ZFYVE16: variants seen among roughly 807,000 people sequenced by gnomAD.
The protein encoded by ZFYVE16 is zinc finger FYVE-type containing 16, also known as zinc finger FYVE domain-containing protein 16.
ZFYVE16 carries 89 observed loss-of-function variants against 138.1 expected under a neutral mutation model. The ratio of observed to expected loss-of-function variants is 0.64; its 90% CI spans 0.54 to 0.77. The LOEUF is 0.77. Among genes scored for constraint, ZFYVE16 ranks in the 30% least tolerant of loss-of-function variants. The pLI, the probability that ZFYVE16 is intolerant of heterozygous loss-of-function variation, is 0.00. For synonymous variants in ZFYVE16, 596 were observed against 618.3 expected (o/e 0.96, Z 0.53); for missense variants, 1,793 against 1,786.7 (o/e 1.00, Z -0.06).
At chr5:80,433,685 C>T (rs1749451892) in intron 2 of ZFYVE16, among the ~76,000 whole-genome samples, 1 of 151,600 alleles carries the variant, frequency 6.6e-6, no homozygotes. Context: ...ATATAATTGT[C>T]TTCCACTAAA....
intron 10 of ZFYVE16, 101 bp from the exon 11 acceptor site, chr5:80,451,384 T>C: frequency 1.2e-6 from 1 of 813,124 alleles, no homozygotes; most frequent in Admixed American, 2.9e-5. Context: ...ACAGTTTATA[T>C]GTATTGGATC....
At chr5:80,407,709 A>C (rs1744808783), upstream of ZFYVE16, among the ~76,000 whole-genome samples, 1 of 152,230 alleles carries the variant, frequency 6.6e-6, no homozygotes. Context: ...AGGCTCAGCA[A>C]AGGGCTAAGG....
rs763704708 is a variant in ZFYVE16, at chr5:80,455,802, A to G, written c.3690+28A>G. 2.0e-6 allele frequency: 3 copies of G among 1,518,746 alleles called. No individual in the cohort carries two copies. In the South Asian group the frequency reaches 3.7e-5, roughly 19 times the overall value. The allele number at this position is 1,518,746 out of a possible 1,614,324, so 94.1% of individuals were successfully genotyped here. ...GAGTAATTGAACTATTTTATTAGGT[A>G]TTTTTATACTGTTACTTTAAAACTG... On this transcript the variant is annotated intron_variant, in intron 12 of 18. Transcript: ENST00000505560.
In ZFYVE16 at chr5:80,438,819, T is replaced by G. The variant is rs762090299; in HGVS notation, c.2134T>G (p.Ser712Ala). ...NSNYIDIESNSEGGSSFVTAN... is the reference protein window; with the variant it reads ...NSNYIDIESNAEGGSSFVTAN... ...TAATTACATTGATATAGAAAGTAATTCTGAAGGTGGATCTAGTTTCGTAAC... is the reference window on the plus strand; with the variant it reads ...TAATTACATTGATATAGAAAGTAATGCTGAAGGTGGATCTAGTTTCGTAAC... Residue 712 changes from serine (S) to alanine (A), a missense_variant, in exon 4 of 19, where the codon TCT becomes GCT. Ser to Ala is a moderately conservative substitution (Grantham distance 99). Around this residue, in one of 2 missense-constraint regions of ZFYVE16, gnomAD observed 1,295 missense variants for 1,204.3 expected, o/e 1.08. Transcript: ENST00000505560. 1 of 1,613,968 alleles carries G rather than the reference T, an allele frequency of 6.2e-7. No individual in the cohort carries two copies. The highest frequency in any genetic ancestry group is 1.1e-5 in the South Asian group (1 of 91,080).
At chr5:80,469,021 T>A (rs933173128) in intron 15 of ZFYVE16, among the ~76,000 whole-genome samples, 15 of 152,086 alleles carry the variant, frequency 9.9e-5, no homozygotes, top group Admixed American at 9.2e-4. Flanking sequence ...TATTTTTATG[T>A]GCCATATCTG....
At chr5:80,426,064 C>T (rs998502764) in intron 1 of ZFYVE16, among the ~76,000 whole-genome samples, 1 of 152,000 alleles carries the variant, frequency 6.6e-6, no homozygotes, top group East Asian at 1.9e-4. Flanking sequence ...AAATTTTTCT[C>T]TTTTAATGAC....
Position 80,442,991 on chromosome 5 carries a change from A to G in ZFYVE16, c.2420-132A>G, listed in dbSNP as rs1010302893. The G allele has an allele frequency of 2.5e-4, 218 of 868,688 alleles. 1 individual carries two copies. The highest frequency in any genetic ancestry group is 1.9e-5 in the Non-Finnish European group (11 of 593,786). 53.8% of individuals were successfully genotyped at this position (868,688 alleles called of 1,614,324 possible). A position where few individuals can be genotyped will look rare whatever the true frequency, so the allele number is the denominator to read the frequency against. On this transcript the variant is annotated intron_variant, in intron 5 of 18. Transcript: ENST00000505560. ...TCAGACAGTATCTTTGCCAAGTGCT[A>G]CTTCTTTTTCTTGATTAGCCATTTC... is the stretch of plus-strand genomic sequence containing the variant.
At chr5:80,466,866 A>G (rs919747452) in intron 15 of ZFYVE16, among the ~76,000 whole-genome samples, 4 of 152,206 alleles carry the variant, frequency 2.6e-5, no homozygotes, top group Non-Finnish European at 4.4e-5. Context: ...TTAAAGAAAA[A>G]TGACTGAATC....
At chr5:80,441,840 T>TAGC in intron 5 of ZFYVE16, 1 of 985,422 alleles carries the variant, frequency 1.0e-6, no homozygotes, top group Non-Finnish European at 1.2e-6. Context: ...GCAGCATTGA[T>TAGC]AGCAGATCAG....
chr5:80,421,092 T>C (rs559264969), intron 1 of ZFYVE16, among the ~76,000 whole-genome samples: 7 of 152,264 alleles, frequency 4.6e-5, no homozygotes, highest in Non-Finnish European at 8.8e-5. Context: ...CATAAATGTC[T>C]TCTTTTGAGA....
chr5:80,473,842 A>G lies in ZFYVE16; in HGVS notation c.4276A>G (p.Ile1426Val). 3 of 1,612,804 alleles carry G rather than the reference A, an allele frequency of 1.9e-6. No individual in the cohort carries two copies. The highest frequency in any genetic ancestry group is 2.5e-6 in the Non-Finnish European group (3 of 1,179,258). Reference sequence around the variant, plus strand: ...AGCAGATTTTGAAACCGATGAGAAGATTGTAAAATGTACCGAGGTAACTAA... The same window carrying G: ...AGCAGATTTTGAAACCGATGAGAAGGTTGTAAAATGTACCGAGGTAACTAA... ...LEADFETDEK[I>V]VKCTEVFYFL... The change falls in exon 17 of 19, where the codon ATT becomes GTT. Residue 1426 changes from isoleucine to valine, a missense_variant. Transcript: ENST00000505560.
rs151167740 is a variant in ZFYVE16 at position 80,437,033 on chromosome 5, G to T, written c.348G>T (p.Pro116=). The T allele has an allele frequency of 1.9e-6, 3 of 1,614,190 alleles. No homozygotes were observed. In the East Asian group the frequency reaches 6.7e-5, roughly 36 times the overall value. The part of the protein sequence containing the change: ...VDGGTSDEIQ[P]LYMGRCSKPI... The stretch of plus-strand genomic sequence containing the variant: ...GTGGTACTTCAGATGAAATCCAGCC[G>T]TTATATATGGGACGATGTAGTAAAC... Residue 116 remains proline, a synonymous_variant, in exon 4 of 19, where the codon CCG becomes CCT. Transcript: ENST00000505560.
In ZFYVE16 at chr5:80,448,413, G is replaced by T. The variant is rs543112994; in HGVS notation, c.3103+9G>T. On this transcript the variant is annotated intron_variant, in intron 8 of 18. Coordinates refer to ENST00000505560, the MANE Select transcript of ZFYVE16 (RefSeq NM_001284236.3). ...TGGAGAAAAGGGATCAGGTAGGGAAGCAGTTATTTAAATTTAAAAAGATTT... is the reference window on the plus strand; with the variant it reads ...TGGAGAAAAGGGATCAGGTAGGGAATCAGTTATTTAAATTTAAAAAGATTT... 243 of 1,472,520 alleles carry T rather than the reference G, an allele frequency of 1.7e-4. 4 individuals are homozygous for T. In the South Asian group the frequency reaches 3.6e-3, roughly 22 times the overall value. 91.2% of individuals were successfully genotyped at this position (1,472,520 alleles called of 1,614,324 possible).
chr5:80,446,729 C>T (rs1239380318), intron 7 of ZFYVE16, among the ~76,000 whole-genome samples: 1 of 152,074 alleles, frequency 6.6e-6, no homozygotes, highest in Non-Finnish European at 1.5e-5. Flanking sequence ...TATTTTCAAA[C>T]ATTCAAGAAA....
Position 80,443,177 on chromosome 5 carries a change from A to G in ZFYVE16, c.2474A>G (p.His825Arg), listed in dbSNP as rs770796297. The G allele has an allele frequency of 3.7e-6, 6 of 1,603,258 alleles. No homozygotes were observed. In the African/African-American group the frequency reaches 6.7e-5, roughly 18 times the overall value. ...SPTGSNLKSN[H>R]SDECTTVQPP... The stretch of plus-strand genomic sequence containing the variant: ...ACTGGTTCTAATCTTAAGTCTAATC[A>G]TTCTGATGAATGTACTACTGTCCAG... Residue 825 changes from histidine (H) to arginine (R), a missense_variant, in exon 6 of 19, where the codon CAT becomes CGT. Coordinates refer to ENST00000505560, the MANE Select transcript of ZFYVE16 (RefSeq NM_001284236.3).
At chr5:80,424,222 A>G (rs1298428869) in intron 1 of ZFYVE16, among the ~76,000 whole-genome samples, 2 of 151,820 alleles carry the variant, frequency 1.3e-5, no homozygotes, top group African/African-American at 4.8e-5. Flanking sequence ...CTTTTTCAAT[A>G]TATGCATTTT....
In ZFYVE16 at chr5:80,419,808, TTTTG is replaced by T. The variant is rs771586863; in HGVS notation, c.-93-7680_-93-7677del. Among the ~76,000 whole-genome samples the T allele has an allele frequency of 2.4e-3, 270 of 111,642 alleles. 1 individual carries two copies. The highest frequency in any genetic ancestry group is 5.7e-3 in the South Asian group (19 of 3,310). 73.2% of individuals were successfully genotyped at this position (111,642 alleles called of 152,430 possible). ...GGAAGAATTCATGTCTTTGGTTTTT[TTTTG>T]TTTTGTTTTATTTTTTTGAGACAGA... On this transcript the variant is annotated intron_variant, in intron 1 of 18. Transcript: ENST00000505560.
intron 11 of ZFYVE16, among the ~76,000 whole-genome samples, chr5:80,452,962 TCTGA>T (rs1354923646): frequency 6.6e-6 from 1 of 152,206 alleles, no homozygotes; most frequent in African/African-American, 2.4e-5. Context: ...GTATCTTTTA[TCTGA>T]CTTTTTTCAA....
intron 16 of ZFYVE16, 112 bp downstream of exon 16, chr5:80,473,035 A>G (rs1754542904): frequency 1.0e-6 from 1 of 982,114 alleles, no homozygotes; most frequent in African/African-American, 1.6e-5. Context: ...TATACCATCA[A>G]TTTAAATGCC....
Sources: allele counts gnomAD v4.1 joint callset (sites outside exome capture counted in the v4.1 genomes callset), GRCh38; gene constraint gnomAD v4.1.1; regional missense constraint gnomAD v4.1.1; transcripts MANE v1.5; gene names NCBI Gene and HGNC (gene_info 2026-07-23, HGNC 2026-07-21).